The following RFC5 variants were observed in gnomAD, a reference collection of about 807,000 sequenced individuals.
RFC5 encodes A1 36 kDa subunit.
A neutral mutation model predicts 44.3 loss-of-function variants in RFC5; 26 were observed. The observed-to-expected ratio is 0.59, with a 90% CI of 0.43 to 0.81. RFC5 has a LOEUF of 0.81. Ranked by LOEUF, RFC5 falls within the 40% of genes least tolerant of loss-of-function variation. The pLI, the probability that RFC5 is intolerant of heterozygous loss-of-function variation, is 0.00. For synonymous variants in RFC5, 155 were observed against 155.2 expected (o/e 1.00, Z 0.01); for missense variants, 328 against 418.6 (o/e 0.78, Z 1.89).
At chr12:118,038,580 A>G in the RFC5 span, among the ~76,000 whole-genome samples, 2 of 152,212 alleles carry the variant, frequency 1.3e-5, no homozygotes, top group African/African-American at 2.4e-5. Flanking sequence ...CCTGTAATCT[A>G]TGAATATGAT....
chr12:118,017,706 T>C lies in RFC5; in HGVS notation c.65+814T>C, dbSNP rs749631528. ...TTTTTTTAGAGACAGGGTCTCGCTC[T>C]GTCGCCCATGCTGGAGCGCAGTGGT... On this transcript the variant is annotated intron_variant, in intron 1 of 10. Transcript: ENST00000454402. 9.0e-4 allele frequency: 712 copies of C among 788,180 alleles called. 2 individuals carry two copies. The highest frequency in any genetic ancestry group is 1.2e-3 in the Non-Finnish European group (638 of 532,842). 48.8% of individuals were successfully genotyped at this position (788,180 alleles called of 1,614,324 possible).
Position 118,024,836 on chromosome 12 carries a change from A to C in RFC5, c.422-15A>C, listed in dbSNP as rs770005334. On this transcript the variant is annotated splice_polypyrimidine_tract_variant and intron_variant, in intron 5 of 10. Coordinates refer to ENST00000454402, the MANE Select transcript of RFC5 (RefSeq NM_007370.7). ...ATGGACTTTGACATGAGGTGGTTTT[A>C]TTTTCTCTTACTAGTAATTGAGAAA... The C allele has an allele frequency of 1.9e-5, 31 of 1,593,006 alleles. 1 individual carries two copies. The South Asian group carries it at 3.5e-4, about 18-fold the overall frequency.
intron 7 of RFC5, 78 bp downstream of exon 7, chr12:118,025,906 C>G (rs1430547948): frequency 9.4e-6 from 8 of 855,258 alleles, no homozygotes; most frequent in Non-Finnish European, 1.5e-5. Flanking sequence ...TGGAGTGCAG[C>G]AACACAATCT....
At chr12:118,033,717 G>A (rs904035798), downstream of RFC5, 16 of 154,080 alleles carry the variant, frequency 1.0e-4, no homozygotes, top group Admixed American at 9.6e-4. Context: ...GGCCAACATC[G>A]AAGCAACTCT....
chr12:118,028,009 A>G lies in RFC5; in HGVS notation c.850A>G (p.Ile284Val). Residue 284 changes from isoleucine (I) to valine (V), a missense_variant, in exon 9 of 11, where the codon ATA becomes GTA. Transcript: ENST00000454402. ...GLALHDILTEIHLFVHRVDFP... is the reference protein window; with the variant it reads ...GLALHDILTEVHLFVHRVDFP... ...GGCACTGCATGATATCCTGACAGAG[A>G]TACACTTGTTTGTGCATAGAGGTAA... 3 of 1,608,490 alleles carry G rather than the reference A, an allele frequency of 1.9e-6. No individual in the cohort carries two copies. The East Asian group carries it at 6.7e-5, about 36-fold the overall frequency.
At position 118,016,738 on chromosome 12, in the gene RFC5, G is replaced by A. The variant is rs1203222184; in HGVS notation, c.-90G>A. The A allele has an allele frequency of 5.7e-6, 6 of 1,050,938 alleles. No individual in the cohort carries two copies. The highest frequency in any genetic ancestry group is 7.2e-6 in the Non-Finnish European group (5 of 695,312). 65.1% of individuals were successfully genotyped at this position (1,050,938 alleles called of 1,614,324 possible). ...TTTGCGCGCGAACTGTAAGTGCCAG[G>A]GTCTCAGGGTCAGGTCGCGGCTGGT... On this transcript the variant is annotated 5_prime_UTR_variant, in exon 1 of 11. Coordinates refer to ENST00000454402, the MANE Select transcript of RFC5 (RefSeq NM_007370.7).
At chr12:118,034,322 A>T, downstream of RFC5, 1 of 1,614,248 alleles carries the variant, frequency 6.2e-7, no homozygotes, top group African/African-American at 1.3e-5. Context: ...ACAGGACCCT[A>T]GGAGCTGTCC....
In RFC5 at chr12:118,016,705, G is replaced by T. The variant is rs767345919; in HGVS notation, c.-123G>T. 2 of 790,402 alleles carry T rather than the reference G, an allele frequency of 2.5e-6. No individual in the cohort carries two copies. The highest frequency in any genetic ancestry group is 2.7e-5 in the East Asian group (1 of 36,790). 49.0% of individuals were successfully genotyped at this position (790,402 alleles called of 1,614,324 possible). On this transcript the variant is annotated 5_prime_UTR_variant, in exon 1 of 11. Coordinates refer to ENST00000454402, the MANE Select transcript of RFC5 (RefSeq NM_007370.7). Reference sequence around the variant, plus strand: ...GGAAACTGGTGGCCGCGTCTCGCGAGAGTTGCTTTTGCGCGCGAACTGTAA... The same window carrying T: ...GGAAACTGGTGGCCGCGTCTCGCGATAGTTGCTTTTGCGCGCGAACTGTAA...
At position 118,019,062 on chromosome 12, in the gene RFC5, T is replaced by G. The variant is rs371768291; in HGVS notation, c.66-10T>G. The G allele has an allele frequency of 2.5e-5, 39 of 1,590,096 alleles. 1 individual carries two copies. The highest frequency in any genetic ancestry group is 3.2e-5 in the Non-Finnish European group (37 of 1,158,428). On this transcript the variant is annotated splice_polypyrimidine_tract_variant and intron_variant, in intron 1 of 10. Transcript: ENST00000454402. The surrounding 1 kb of genome is among the most constrained non-coding windows in gnomAD (Gnocchi z 4.2). ...ATATATGTCATAATACATACTAAAT[T>G]GTATTTCAGGGTTGAAAAATACCGG...
downstream of RFC5, chr12:118,033,023 A>G (rs1593459239): frequency 6.6e-6 from 1 of 152,242 alleles, no homozygotes; most frequent in African/African-American, 2.4e-5. Flanking sequence ...TCAACGAGTC[A>G]TGTAACGTTA....
Position 118,027,981 on chromosome 12 carries a change from G to A in RFC5, c.822G>A (p.Gly274=), listed in dbSNP as rs150426000. 3.1e-6 allele frequency: 5 copies of A among 1,610,654 alleles called. No homozygotes were observed. Among genetic ancestry groups the A allele is most frequent in the Non-Finnish European group, 4.2e-6 (5 of 1,177,144 alleles). Residue 274 remains glycine (G), a synonymous_variant, in exon 9 of 11, where the codon GGG becomes GGA. Transcript: ENST00000454402. ...RNITELKTLK[G]LALHDILTEI... ...TTACAGAGTTGAAAACTCTGAAGGG[G>A]TTGGCACTGCATGATATCCTGACAG...
In RFC5 at chr12:118,019,775, A is replaced by G. The variant is rs1426350417; in HGVS notation, c.267+7A>G. 2 of 1,610,986 alleles carry G rather than the reference A, an allele frequency of 1.2e-6. No homozygotes were observed. The highest frequency in any genetic ancestry group is 2.2e-5 in the South Asian group (2 of 90,960). ...TGGCTCCATGGTCTTGGAGGTAAAT[A>G]AGATTGTTCTTACTCTACAAATAAC... On this transcript the variant is annotated splice_region_variant and intron_variant, in intron 3 of 10. Coordinates refer to ENST00000454402, the MANE Select transcript of RFC5 (RefSeq NM_007370.7). This position sits in a 1 kb window ranked among gnomAD's most constrained non-coding sequence, Gnocchi z 4.2.
chr12:118,036,335 T>C (rs200311345), downstream of RFC5: 6 of 1,613,668 alleles, frequency 3.7e-6, no homozygotes, highest in Admixed American at 6.7e-5. Flanking sequence ...ATTCAGTCCT[T>C]ACTGGAGTGA....
chr12:118,023,479 G>GT (rs2030689954), intron 5 of RFC5, among the ~76,000 whole-genome samples: 1 of 126,044 alleles, frequency 7.9e-6, no homozygotes, highest in Non-Finnish European at 1.7e-5. Flanking sequence ...GAGGAGGAGG[G>GT]TAGGGGGAGG....
Position 118,026,957 on chromosome 12 carries a change from G to T in RFC5, c.732G>T (p.Lys244Asn). 6.2e-7 allele frequency: 1 copy of T among 1,614,080 alleles called. No individual in the cohort carries two copies. Among genetic ancestry groups the T allele is most frequent in the Non-Finnish European group, 8.5e-7 (1 of 1,180,008 alleles). The change falls in exon 8 of 11, where the codon AAG (lysine) becomes AAT (asparagine). Residue 244 changes from lysine to asparagine, a missense_variant. Transcript: ENST00000454402. ...ACACCTGCACCGGGCACCCGCTCAAGTCAGACATTGCCAACATCCTGGACT... is the reference window on the plus strand; with the variant it reads ...ACACCTGCACCGGGCACCCGCTCAATTCAGACATTGCCAACATCCTGGACT... ...TVYTCTGHPL[K>N]SDIANILDWM...
chr12:118,032,875 T>G (rs2031395927), downstream of RFC5: 1 of 152,038 alleles, frequency 6.6e-6, no homozygotes, highest in African/African-American at 2.4e-5. Context: ...TTTTTTTTTC[T>G]TAATGGAAAA....
chr12:118,024,983 G>T lies in RFC5; in HGVS notation c.554G>T (p.Arg185Leu), dbSNP rs140469335. 1 of 1,613,818 alleles carries T rather than the reference G, an allele frequency of 6.2e-7. No homozygotes were observed. The highest frequency in any genetic ancestry group is 2.2e-5 in the East Asian group (1 of 44,874). The change falls in exon 6 of 11, where the codon CGC becomes CTC. Residue 185 changes from arginine (R) to leucine (L), a missense_variant. Arg to Leu is a moderately radical substitution (Grantham distance 102, BLOSUM62 -2). Coordinates refer to ENST00000454402, the MANE Select transcript of RFC5 (RefSeq NM_007370.7). ...GPLTPELMVP[R>L]LEHVVEEEKV... Reference sequence around the variant, plus strand: ...CTGACTCCTGAACTCATGGTTCCCCGCCTGGAACATGTCGTGGAAGAAGAG... The same window carrying T: ...CTGACTCCTGAACTCATGGTTCCCCTCCTGGAACATGTCGTGGAAGAAGAG...
chr12:118,018,539 C>G (rs1417738224), intron 1 of RFC5, among the ~76,000 whole-genome samples: 5 of 152,152 alleles, frequency 3.3e-5, no homozygotes, highest in South Asian at 2.1e-4. Flanking sequence ...TGGTTGGGAA[C>G]CACTGGTCTG....
chr12:118,023,040 G>A (rs2030624737), intron 5 of RFC5, among the ~76,000 whole-genome samples: 1 of 150,178 alleles, frequency 6.7e-6, no homozygotes, highest in African/African-American at 2.5e-5. Flanking sequence ...CGTGGGATGG[G>A]GTGTGGAAAA....
Sources: gnomAD v4.1 joint callset for allele counts (sites outside exome capture counted in the v4.1 genomes callset) on GRCh38, gnomAD v4.1.1 for gene constraint, Gnocchi (gnomAD v3.1) non-coding constraint, MANE v1.5 for transcripts, NCBI Gene and HGNC (gene_info 2026-07-23, HGNC 2026-07-21) for gene names.